The following PCDH15 variants were observed in gnomAD, a reference collection of about 807,000 sequenced individuals.
The protein encoded by PCDH15 is protocadherin-15.
PCDH15 carries 129 observed loss-of-function variants against 178.5 expected under a neutral mutation model. The ratio of observed to expected loss-of-function variants is 0.72; its 90% CI spans 0.63 to 0.84. The LOEUF (loss-of-function observed/expected upper bound fraction) is 0.84. Ranked by LOEUF, PCDH15 falls within the 40% of genes least tolerant of loss-of-function variation. PCDH15 has a pLI of 0.00. For synonymous variants in PCDH15, 800 were observed against 732.0 expected (o/e 1.09, Z -1.50); for missense variants, 2,230 against 2,099.9 (o/e 1.06, Z -1.21).
intron 21 of PCDH15, among the ~76,000 whole-genome samples, chr10:53,981,592 G>T (rs1191736746): frequency 6.6e-6 from 1 of 151,292 alleles, no homozygotes; most frequent in Non-Finnish European, 1.5e-5. Flanking sequence ...TTAATAAATG[G>T]TGCTGGGAAA....
At chr10:55,189,704 T>C (rs967554372) in intron 1 of PCDH15, among the ~76,000 whole-genome samples, 3 of 151,990 alleles carry the variant, frequency 2.0e-5, no homozygotes, top group South Asian at 4.1e-4. Context: ...TTTCTTTTTT[T>C]GCAATAAAGG....
At chr10:54,581,816 G>C (rs893024515) in intron 2 of PCDH15, among the ~76,000 whole-genome samples, 1 of 151,796 alleles carries the variant, frequency 6.6e-6, no homozygotes, top group East Asian at 1.9e-4. Context: ...AAAAGTGAAC[G>C]CTGGGTAATG....
intron 2 of PCDH15, among the ~76,000 whole-genome samples, chr10:55,620,070 T>C (rs1843560233): frequency 6.6e-6 from 1 of 152,052 alleles, no homozygotes; most frequent in Non-Finnish European, 1.5e-5. Context: ...ATGCCCCCAG[T>C]TAATAATACA....
At chr10:55,006,237 A>C (rs1457358978) in intron 2 of PCDH15, among the ~76,000 whole-genome samples, 2 of 152,096 alleles carry the variant, frequency 1.3e-5, no homozygotes, top group Non-Finnish European at 2.9e-5. Context: ...TTTGATCAAT[A>C]TCTCTCAAGT....
At chr10:55,493,955 T>A (rs1264525920) in intron 2 of PCDH15, among the ~76,000 whole-genome samples, 1 of 151,902 alleles carries the variant, frequency 6.6e-6, no homozygotes, top group Admixed American at 6.6e-5. Flanking sequence ...AGTTTCTTCA[T>A]GATTTTCATA....
chr10:54,672,358 G>A (rs2094690949), intron 1 of PCDH15, among the ~76,000 whole-genome samples: 1 of 151,944 alleles, frequency 6.6e-6, no homozygotes, highest in Non-Finnish European at 1.5e-5. Flanking sequence ...ACAAACTTGG[G>A]GACCATTGCC....
chr10:54,793,724 T>G (rs1484612154), intron 1 of PCDH15, among the ~76,000 whole-genome samples: 1 of 148,068 alleles, frequency 6.8e-6, no homozygotes, highest in Non-Finnish European at 1.5e-5. Flanking sequence ...ATATATACAC[T>G]TGTGTATATA....
intron 2 of PCDH15, among the ~76,000 whole-genome samples, chr10:54,655,300 G>GAGAGAGAGAGAGAC (rs1158121522): frequency 1.7e-4 from 19 of 111,306 alleles, no homozygotes; most frequent in South Asian, 3.3e-4. Flanking sequence ...GAGAGAGAGA[G>GAGAGAGAGAGAGAC]AGACAGAGAG....
intron 25 of PCDH15, among the ~76,000 whole-genome samples, chr10:53,913,881 A>T (rs895744174): frequency 1.3e-5 from 2 of 152,272 alleles, no homozygotes; most frequent in African/African-American, 4.8e-5. Context: ...AAGGGCTAAC[A>T]TCCAGAATCT....
At chr10:54,388,250 G>A (rs568567303) in intron 3 of PCDH15, among the ~76,000 whole-genome samples, 2 of 152,298 alleles carry the variant, frequency 1.3e-5, no homozygotes, top group East Asian at 1.9e-4. Flanking sequence ...AATGGCCAGA[G>A]GACAATCTGA....
chr10:54,109,570 G>A (rs1290141760), intron 15 of PCDH15, among the ~76,000 whole-genome samples: 1 of 152,102 alleles, frequency 6.6e-6, no homozygotes, highest in Non-Finnish European at 1.5e-5. Context: ...AGAAAATTAA[G>A]GGAAATAAGC....
At chr10:54,450,498 G>A (rs926086789) in intron 3 of PCDH15, among the ~76,000 whole-genome samples, 3 of 149,904 alleles carry the variant, frequency 2.0e-5, no homozygotes, top group African/African-American at 7.4e-5. Flanking sequence ...ATCTTCTTAC[G>A]GCTTCTTGGT....
rs533891131 is a variant in PCDH15, at chr10:55,270,975, T to C, written c.-156+48624A>G. On this transcript the variant is annotated intron_variant, in intron 1 of 5. Transcript: ENST00000458638. ...GCAGCCATAAAAAAGAATGAAATCA[T>C]GTGCTTCACGGTGATATGGATGGCT... 5.3e-5 allele frequency among the ~76,000 whole-genome samples: 8 copies of C among 152,226 alleles called. No homozygotes were observed. The East Asian group carries it at 1.5e-3, about 29-fold the overall frequency.
chr10:53,837,285 A>C (rs2077362415), intron 29 of PCDH15, among the ~76,000 whole-genome samples: 2 of 152,152 alleles, frequency 1.3e-5, no homozygotes, highest in Non-Finnish European at 1.5e-5. Flanking sequence ...ATGCAGCTCC[A>C]AAGAGTTGAG....
chr10:54,435,270 T>A (rs936190964), intron 3 of PCDH15, among the ~76,000 whole-genome samples: 5 of 152,198 alleles, frequency 3.3e-5, no homozygotes, highest in Non-Finnish European at 7.3e-5. Context: ...GAACAGATGA[T>A]TCTGACAGCC....
chr10:54,387,838 G>A (rs1260160296), intron 3 of PCDH15, among the ~76,000 whole-genome samples: 2 of 152,144 alleles, frequency 1.3e-5, no homozygotes, highest in Non-Finnish European at 1.5e-5. Flanking sequence ...AATATTCATC[G>A]TCTCAGTGAT....
intron 19 of PCDH15, 84 bp from the exon 20 acceptor site, chr10:54,020,500 C>G (rs1021420705): frequency 7.9e-7 from 1 of 1,271,378 alleles, no homozygotes; most frequent in Non-Finnish European, 1.1e-6. Context: ...GCGTTAGTGC[C>G]TAGGACAGCA....
intron 3 of PCDH15, among the ~76,000 whole-genome samples, chr10:54,509,396 CT>C (rs929368467): frequency 1.3e-5 from 2 of 152,056 alleles, no homozygotes; most frequent in African/African-American, 4.8e-5. Context: ...GAAAGATGTG[CT>C]TTTTGTCTTC....
intron 2 of PCDH15, among the ~76,000 whole-genome samples, chr10:55,124,813 A>C (rs1837856350): frequency 6.6e-6 from 1 of 152,094 alleles, no homozygotes; most frequent in East Asian, 1.9e-4. Context: ...TTGGATAGAA[A>C]ATATTTCAAT....
Sources: gnomAD v4.1 joint callset for allele counts (sites outside exome capture counted in the v4.1 genomes callset) on GRCh38, gnomAD v4.1.1 for gene constraint, MANE v1.5 for transcripts, NCBI Gene and HGNC (gene_info 2026-07-23, HGNC 2026-07-21) for gene names.